PHYHIPL: variants seen among roughly 807,000 people sequenced by gnomAD.
PHYHIPL encodes phytanoyl-CoA 2-hydroxylase interacting protein like, also known as phytanoyl-CoA hydroxylase-interacting protein-like.
In PHYHIPL, 9 loss-of-function variants were observed where a neutral mutation model predicts 33.4. The ratio of observed to expected loss-of-function variants is 0.27; its 90% confidence interval spans 0.16 to 0.47. The LOEUF is 0.47. PHYHIPL is among the 20% of genes least tolerant of loss of function. PHYHIPL has a pLI of 0.99. For missense variants in PHYHIPL, 365 were observed against 460.7 expected (o/e 0.79, Z 1.90); for synonymous variants, 153 against 154.1 (o/e 0.99, Z 0.05).
chr10:59,236,801 A>G lies in PHYHIPL; in HGVS notation c.478+144A>G, dbSNP rs551884110. 1.2e-3 allele frequency: 741 copies of G among 627,648 alleles called. 2 individuals are homozygous for G. The highest frequency in any genetic ancestry group is 1.6e-3 in the Non-Finnish European group (659 of 408,426). 38.9% of individuals were successfully genotyped at this position (627,648 alleles called of 1,614,324 possible). A position where few individuals can be genotyped will look rare whatever the true frequency, so the allele number is the denominator to read the frequency against. ...GTTGTCAGTAGCATTGTGTAACAGA[A>G]TAAACAATGTTGTATTGATTGGAGG... On this transcript the variant is annotated intron_variant, in intron 3 of 4. Coordinates refer to ENST00000373880, the MANE Select transcript of PHYHIPL (RefSeq NM_032439.4).
chr10:59,210,596 A>G (rs1839413791), intron 1 of PHYHIPL, among the ~76,000 whole-genome samples: 1 of 152,248 alleles, frequency 6.6e-6, no homozygotes, highest in African/African-American at 2.4e-5. Context: ...AAAGGATTAT[A>G]AATCATTCTA....
chr10:59,216,692 A>G (rs556219216), intron 1 of PHYHIPL, among the ~76,000 whole-genome samples: 1 of 152,204 alleles, frequency 6.6e-6, no homozygotes, highest in East Asian at 1.9e-4. Context: ...AGAGGTAGAA[A>G]CTAGATTTGA....
At chr10:59,237,182 T>C (rs1840251776) in intron 3 of PHYHIPL, among the ~76,000 whole-genome samples, 1 of 151,822 alleles carries the variant, frequency 6.6e-6, no homozygotes, top group African/African-American at 2.4e-5. Context: ...GTGTCCTGTA[T>C]ACATATGTGT....
Position 59,188,761 on chromosome 10 carries a change from C to A in PHYHIPL, c.106+11802C>A, listed in dbSNP as rs199746151. ...CTTTTGATCTTTGTTGGTTTAAAGT[C>A]TATTTTATCCGAGACTAAGATTGCA... On this transcript the variant is annotated intron_variant, in intron 1 of 4. Coordinates refer to ENST00000373880, the MANE Select transcript of PHYHIPL (RefSeq NM_032439.4). 4.6e-5 allele frequency among the ~76,000 whole-genome samples: 7 copies of A among 152,234 alleles called. No homozygotes were observed. The East Asian group carries it at 1.4e-3, about 29-fold the overall frequency.
At chr10:59,206,877 T>C in intron 1 of PHYHIPL, 1 of 911,902 alleles carries the variant, frequency 1.1e-6, no homozygotes, top group East Asian at 9.3e-5. Flanking sequence ...ACTAGTCATG[T>C]TTTTGACTTC....
chr10:59,205,839 C>T (rs1180581299), intron 1 of PHYHIPL, among the ~76,000 whole-genome samples: 1 of 152,130 alleles, frequency 6.6e-6, no homozygotes, highest in Non-Finnish European at 1.5e-5. Context: ...AGCCATAAGT[C>T]TTAGCCTGAT....
chr10:59,190,488 AT>A (rs1436896681), intron 1 of PHYHIPL, among the ~76,000 whole-genome samples: 1 of 151,904 alleles, frequency 6.6e-6, no homozygotes, highest in African/African-American at 2.4e-5. Context: ...ATTCTGAGAT[AT>A]TTATTGATAA....
intron 1 of PHYHIPL, among the ~76,000 whole-genome samples, chr10:59,217,655 T>C (rs140148189): frequency 1.4e-3 from 208 of 151,926 alleles, no homozygotes; most frequent in African/African-American, 4.9e-3. Flanking sequence ...GAAGAAAATA[T>C]ATAAAATATA....
At chr10:59,207,139 G>A (rs1202775661) in intron 1 of PHYHIPL, among the ~76,000 whole-genome samples, 1 of 152,204 alleles carries the variant, frequency 6.6e-6, no homozygotes, top group Non-Finnish European at 1.5e-5. Context: ...TGGCTGGCAA[G>A]ATGGCAGCAT....
intron 1 of PHYHIPL, chr10:59,177,664 G>A (rs577607439): frequency 6.5e-7 from 1 of 1,545,818 alleles, no homozygotes; most frequent in African/African-American, 1.4e-5. Context: ...TTCTGTTGTT[G>A]AAGTTGGCAG....
intron 1 of PHYHIPL, among the ~76,000 whole-genome samples, chr10:59,214,808 T>C (rs1303143728): frequency 1.3e-5 from 2 of 152,032 alleles, no homozygotes. Context: ...ATTAGCATCC[T>C]TATTGCCCAG....
chr10:59,182,702 G>C (rs1838443657), intron 1 of PHYHIPL, among the ~76,000 whole-genome samples: 3 of 152,140 alleles, frequency 2.0e-5, no homozygotes, highest in Admixed American at 2.0e-4. Context: ...TAAATGTATA[G>C]AAGAATAGGA....
At position 59,204,562 on chromosome 10, in the gene PHYHIPL, T is replaced by C. The variant is rs1335050657; in HGVS notation, c.106+27603T>C. On this transcript the variant is annotated intron_variant, in intron 1 of 4. Coordinates refer to ENST00000373880, the MANE Select transcript of PHYHIPL (RefSeq NM_032439.4). ...AGTTTGGTTTCATTCCCATGTCAAC[T>C]AGGATAACTCAAGGACCAGATTCTC... 2.0e-5 allele frequency among the ~76,000 whole-genome samples: 3 copies of C among 152,210 alleles called. No individual in the cohort carries two copies. The East Asian group carries it at 5.8e-4, about 29-fold the overall frequency.
intron 1 of PHYHIPL, among the ~76,000 whole-genome samples, chr10:59,188,788 C>T (rs1364452779): frequency 2.0e-5 from 3 of 152,024 alleles, no homozygotes; most frequent in Non-Finnish European, 4.4e-5. Context: ...AAGATTGCAA[C>T]CCCTGCCTTT....
intron 1 of PHYHIPL, among the ~76,000 whole-genome samples, chr10:59,218,040 C>T (rs1236698256): frequency 1.3e-5 from 2 of 152,040 alleles, no homozygotes; most frequent in East Asian, 3.9e-4. Context: ...CCCAAAGTTG[C>T]CAGTGGCATT....
At chr10:59,225,112 A>G (rs957642417) in intron 1 of PHYHIPL, among the ~76,000 whole-genome samples, 3 of 117,620 alleles carry the variant, frequency 2.6e-5, no homozygotes, top group African/African-American at 5.6e-5. Flanking sequence ...GCATCAAACT[A>G]TCCCCTCCAT....
intron 4 of PHYHIPL, among the ~76,000 whole-genome samples, chr10:59,244,133 T>G (rs1003899982): frequency 2.6e-5 from 4 of 152,160 alleles, no homozygotes; most frequent in Admixed American, 2.6e-4. Flanking sequence ...GATAAGGAAC[T>G]GAATGCTAGA....
intron 1 of PHYHIPL, 47 bp downstream of exon 1, chr10:59,177,006 G>A (rs1453042307): frequency 6.5e-7 from 1 of 1,547,448 alleles, no homozygotes; most frequent in East Asian, 2.3e-5. Flanking sequence ...TTCGCGCCGA[G>A]GCGCCGGGGC....
In PHYHIPL at chr10:59,176,962, AAG is replaced by A. The variant is rs773380086; in HGVS notation, c.106+6_106+7del. 1.9e-6 allele frequency: 3 copies of A among 1,612,280 alleles called. No individual in the cohort carries two copies. The highest frequency in any genetic ancestry group is 2.5e-6 in the Non-Finnish European group (3 of 1,179,364). Reference sequence around the variant, plus strand: ...CATTCAGCTGTGCGACCGGGACGGTAAGAGCGGCCGGGACCGCGAGGAAAGGG... The same window carrying A: ...CATTCAGCTGTGCGACCGGGACGGTAAGCGGCCGGGACCGCGAGGAAAGGG... On this transcript the variant is annotated splice_donor_5th_base_variant and intron_variant, in intron 1 of 4. Coordinates refer to ENST00000373880, the MANE Select transcript of PHYHIPL (RefSeq NM_032439.4).
Sources: gnomAD v4.1 joint callset for allele counts (sites outside exome capture counted in the v4.1 genomes callset) on GRCh38, gnomAD v4.1.1 for gene constraint, MANE v1.5 for transcripts, NCBI Gene and HGNC (gene_info 2026-07-23, HGNC 2026-07-21) for gene names.